Variants in CNTNAP2 observed in about 807,000 individuals in gnomAD.
The protein encoded by CNTNAP2 is contactin associated protein 2.
In CNTNAP2, 98 loss-of-function variants were observed where a neutral mutation model predicts 155.2. The ratio of observed to expected loss-of-function variants is 0.63; its 90% CI spans 0.54 to 0.75. The LOEUF is 0.75. Among genes scored for constraint, CNTNAP2 ranks in the 30% least tolerant of loss-of-function variants. The probability of loss-of-function intolerance (pLI) is 0.00; values close to 1 mark genes in which losing one functional copy is unlikely to be tolerated. For missense variants in CNTNAP2, 1,727 were observed against 1,688.1 expected (o/e 1.02, Z -0.40); for synonymous variants, 651 against 631.2 (o/e 1.03, Z -0.47).
Position 147,908,613 on chromosome 7 carries a change from T to C in CNTNAP2, c.2255+4892T>C, listed in dbSNP as rs1390734059. 3.3e-5 allele frequency among the ~76,000 whole-genome samples: 5 copies of C among 152,222 alleles called. No homozygotes were observed. In the East Asian group the frequency reaches 5.8e-4, roughly 18 times the overall value. On this transcript the variant is annotated intron_variant, in intron 14 of 23. Coordinates refer to ENST00000361727, the MANE Select transcript of CNTNAP2 (RefSeq NM_014141.6). ...AACCTGGAGTGCACTGTCACGATCA[T>C]TGCTGTTCAGTTTTTTTGTTTCTCC...
chr7:147,017,812 G>T (rs1320995871), intron 3 of CNTNAP2, among the ~76,000 whole-genome samples: 1 of 151,906 alleles, frequency 6.6e-6, no homozygotes, highest in Non-Finnish European at 1.5e-5. Flanking sequence ...ACTACAGCTG[G>T]TTTAAAAAAT....
chr7:146,282,737 G>A (rs1182033617), intron 1 of CNTNAP2, among the ~76,000 whole-genome samples: 4 of 152,164 alleles, frequency 2.6e-5, no homozygotes, highest in Non-Finnish European at 5.9e-5. Context: ...AAAATTCTGT[G>A]TATGAGTTTT....
At chr7:148,249,531 G>A (rs950842041) in intron 20 of CNTNAP2, among the ~76,000 whole-genome samples, 13 of 151,990 alleles carry the variant, frequency 8.6e-5, no homozygotes, top group African/African-American at 1.7e-4. Context: ...CCCAAACCTC[G>A]CCATGAACTG....
At chr7:146,872,944 T>C (rs765356743) in intron 3 of CNTNAP2, among the ~76,000 whole-genome samples, 1 of 152,212 alleles carries the variant, frequency 6.6e-6, no homozygotes, top group Admixed American at 6.5e-5. Flanking sequence ...TTCATAACTA[T>C]CCCAACATAG....
chr7:147,521,294 A>C (rs949999395), intron 11 of CNTNAP2, among the ~76,000 whole-genome samples: 1 of 152,106 alleles, frequency 6.6e-6, no homozygotes, highest in East Asian at 1.9e-4. Flanking sequence ...TTTTGTTGTA[A>C]TTATCGGGAA....
intron 12 of CNTNAP2, among the ~76,000 whole-genome samples, chr7:147,587,906 T>C (rs2116838576): frequency 6.6e-6 from 1 of 152,290 alleles, no homozygotes. Context: ...GCCAGAAGTC[T>C]TGAGCTATAT....
chr7:146,839,622 C>A, intron 2 of CNTNAP2, 89 bp from the exon 3 acceptor site: 1 of 1,404,332 alleles, frequency 7.1e-7, no homozygotes, highest in South Asian at 1.2e-5. Context: ...CTGCCAAGAC[C>A]AATTAAGATA....
chr7:146,268,799 C>A (rs1052364651), intron 1 of CNTNAP2, among the ~76,000 whole-genome samples: 1 of 152,140 alleles, frequency 6.6e-6, no homozygotes, highest in East Asian at 1.9e-4. Context: ...AGTAGCATAT[C>A]CATTATTTAC....
chr7:146,205,448 A>G (rs1020774765), intron 1 of CNTNAP2, among the ~76,000 whole-genome samples: 1 of 151,948 alleles, frequency 6.6e-6, no homozygotes, highest in Admixed American at 6.6e-5. Flanking sequence ...TGTAAGTATG[A>G]CAAAATTTAG....
rs762250248 is a variant in CNTNAP2 at position 147,903,593 on chromosome 7, C to A, written c.2127C>A (p.Gly709=). ...GAAGCCCTTACACTTGGTGGGTTGG[C>A]AAAGCCAACGAGAAGCACTACTACT... ...PDGSPYTWWV[G]KANEKHYYWG... is the part of the protein sequence containing the mutation. The change falls in exon 14 of 24, where the codon GGC becomes GGA. Residue 709 remains glycine, a synonymous_variant. Transcript: ENST00000361727. 3.7e-6 allele frequency: 6 copies of A among 1,614,002 alleles called. No individual in the cohort carries two copies. The highest frequency in any genetic ancestry group is 1.3e-5 in the African/African-American group (1 of 74,928).
chr7:146,569,013 T>C (rs1015516248), intron 1 of CNTNAP2, among the ~76,000 whole-genome samples: 2 of 151,764 alleles, frequency 1.3e-5, no homozygotes, highest in Admixed American at 6.6e-5. Flanking sequence ...TTTTTAATTA[T>C]TTATTTATTT....
intron 15 of CNTNAP2, among the ~76,000 whole-genome samples, chr7:148,076,422 C>CT (rs771048326): frequency 0.018 from 893 of 49,798 alleles, 156 homozygotes; most frequent in Non-Finnish European, 0.022. Flanking sequence ...GCTCTGACTT[C>CT]TTTTTTTTTT....
At chr7:147,912,752 GGAA>G (rs758098026) in intron 14 of CNTNAP2, among the ~76,000 whole-genome samples, 5 of 152,178 alleles carry the variant, frequency 3.3e-5, no homozygotes, top group Middle Eastern at 6.8e-3. Context: ...AAGCCCCAGA[GGAA>G]GAAGAAGTTC....
chr7:146,193,203 G>A (rs1443737857), intron 1 of CNTNAP2, among the ~76,000 whole-genome samples: 1 of 152,206 alleles, frequency 6.6e-6, no homozygotes, highest in East Asian at 1.9e-4. Context: ...TAAGCTGTCA[G>A]TGGTTCTAAC....
chr7:146,405,648 T>C (rs1222442468), intron 1 of CNTNAP2, among the ~76,000 whole-genome samples: 2 of 152,228 alleles, frequency 1.3e-5, no homozygotes, highest in Non-Finnish European at 2.9e-5. Context: ...TTAAACTGGC[T>C]AGTGAATTTT....
chr7:146,816,157 A>G (rs561538606), intron 2 of CNTNAP2, among the ~76,000 whole-genome samples: 2 of 152,240 alleles, frequency 1.3e-5, no homozygotes, highest in South Asian at 4.1e-4. Context: ...AATCCAGTCT[A>G]TCATTGATAG....
intron 20 of CNTNAP2, among the ~76,000 whole-genome samples, chr7:148,255,648 C>CT (rs1320673673): frequency 3.3e-5 from 5 of 152,054 alleles, no homozygotes; most frequent in African/African-American, 9.7e-5. Flanking sequence ...TACTCTAGAC[C>CT]TTAAGAGGCA....
At chr7:146,448,872 C>A (rs1796439574) in intron 1 of CNTNAP2, among the ~76,000 whole-genome samples, 1 of 152,056 alleles carries the variant, frequency 6.6e-6, no homozygotes, top group Admixed American at 6.6e-5. Context: ...GATGTAGAAA[C>A]CTTGACTCCC....
chr7:148,356,470 C>T (rs1170567498), intron 21 of CNTNAP2, among the ~76,000 whole-genome samples: 1 of 152,184 alleles, frequency 6.6e-6, no homozygotes, highest in Non-Finnish European at 1.5e-5. Flanking sequence ...TGTGGAAAGC[C>T]GTGGCTCCTG....
Sources: allele counts gnomAD v4.1 joint callset (sites outside exome capture counted in the v4.1 genomes callset), GRCh38; gene constraint gnomAD v4.1.1; transcripts MANE v1.5; gene names NCBI Gene and HGNC (gene_info 2026-07-23, HGNC 2026-07-21).